Variants in DAPK1 observed in about 807,000 individuals in gnomAD.
The protein encoded by DAPK1 is death-associated protein kinase 1.
In DAPK1, 56 loss-of-function variants were observed where a neutral mutation model predicts 144.9. The observed-to-expected ratio is 0.39, with a 90% CI of 0.31 to 0.48. DAPK1 has a LOEUF of 0.48. Among genes scored for constraint, DAPK1 ranks in the 20% least tolerant of loss-of-function variants. The pLI is 0.95. For missense variants in DAPK1, 1,454 were observed against 1,875.4 expected (o/e 0.78, Z 4.15); for synonymous variants, 690 against 749.0 (o/e 0.92, Z 1.29).
Position 87,638,100 on chromosome 9 carries a change from G to C in DAPK1, c.423+19G>C. On this transcript the variant is annotated intron_variant, in intron 4 of 25. Transcript: ENST00000408954. ...TCTTAAGGTACGTTTCAAAGTGTAA[G>C]CCAGATAGAAGCTTGTGCAGATCAC... 6.2e-7 allele frequency: 1 copy of C among 1,603,908 alleles called. No homozygotes were observed.
intron 9 of DAPK1, 152 bp from the exon 10 acceptor site, chr9:87,641,817 C>T: frequency 3.3e-6 from 2 of 612,664 alleles, no homozygotes; most frequent in Admixed American, 5.8e-5. Context: ...AGACTAGGTG[C>T]CTAGGTATTC....
intron 23 of DAPK1, among the ~76,000 whole-genome samples, chr9:87,699,149 G>A (rs553322241): frequency 6.6e-6 from 1 of 152,302 alleles, no homozygotes; most frequent in East Asian, 1.9e-4. Flanking sequence ...CAGATTTCTG[G>A]ATTAGGGATG....
In DAPK1 at chr9:87,707,645, C is replaced by T; in HGVS notation, c.*281C>T. ...CTCCTCTCAGTGTTTTGGACTCCAT[C>T]TCTCATCCTCCAGTACCTTGCTTCT... is the stretch of plus-strand genomic sequence containing the variant. On this transcript the variant is annotated 3_prime_UTR_variant, in exon 26 of 26. Transcript: ENST00000408954. The surrounding 1 kb of genome is among the most constrained non-coding windows in gnomAD (Gnocchi z 4.0). 1.9e-6 allele frequency: 1 copy of T among 515,570 alleles called. No individual in the cohort carries two copies. The highest frequency in any genetic ancestry group is 3.5e-6 in the Non-Finnish European group (1 of 286,306). The allele number at this position is 515,570 out of a possible 1,614,324, so 31.9% of individuals were successfully genotyped here. A position where few individuals can be genotyped will look rare whatever the true frequency, so the allele number is the denominator to read the frequency against.
chr9:87,698,535 G>A (rs1409956319), intron 22 of DAPK1, 121 bp from the exon 23 acceptor site: 14 of 690,734 alleles, frequency 2.0e-5, no homozygotes, highest in Non-Finnish European at 3.4e-5. Context: ...TCTGTGGCAT[G>A]TTGCACTTGT....
chr9:87,668,605 G>A lies in DAPK1; in HGVS notation c.1932G>A (p.Lys644=), dbSNP rs1397051177. The A allele has an allele frequency of 6.3e-6, 9 of 1,419,410 alleles. No individual in the cohort carries two copies. Among genetic ancestry groups the A allele is most frequent in the Non-Finnish European group, 8.0e-6 (8 of 1,002,122 alleles). 87.9% of individuals were successfully genotyped at this position (1,419,410 alleles called of 1,614,324 possible). ...ASVEALTTDG[K]TAEDLARSEQ... ...GCATTTTTCTCCAACAGGACGGAAA[G>A]ACGGCAGAAGATCTTGCTAGATCGG... Residue 644 remains lysine, a synonymous_variant, in exon 19 of 26, where the codon AAG becomes AAA. Coordinates refer to ENST00000408954, the MANE Select transcript of DAPK1 (RefSeq NM_004938.4).
intron 18 of DAPK1, among the ~76,000 whole-genome samples, chr9:87,666,197 C>A (rs2119261369): frequency 6.6e-6 from 1 of 152,258 alleles, no homozygotes; most frequent in East Asian, 1.9e-4. Context: ...TTTCTCTCAC[C>A]TGCTCAAGAA....
intron 2 of DAPK1, among the ~76,000 whole-genome samples, chr9:87,527,898 C>G (rs1039876345): frequency 6.6e-6 from 1 of 152,222 alleles, no homozygotes; most frequent in Non-Finnish European, 1.5e-5. Flanking sequence ...TGTCTGCGAA[C>G]AATTGTTTGC....
In DAPK1 at chr9:87,642,185, C is replaced by T. The variant is rs528655981; in HGVS notation, c.918+127C>T. Reference sequence around the variant, plus strand: ...CATCCTTTCCTCTTTTTAATCCACCCTGTAGTGTTCTGCACCATTACTCTA... The same window carrying T: ...CATCCTTTCCTCTTTTTAATCCACCTTGTAGTGTTCTGCACCATTACTCTA... On this transcript the variant is annotated intron_variant, in intron 10 of 25. Coordinates refer to ENST00000408954, the MANE Select transcript of DAPK1 (RefSeq NM_004938.4). 2.0e-3 allele frequency: 1,354 copies of T among 675,388 alleles called. 4 individuals are homozygous for T. Among genetic ancestry groups the T allele is most frequent in the Non-Finnish European group, 1.8e-3 (720 of 397,204 alleles). 41.8% of individuals were successfully genotyped at this position (675,388 alleles called of 1,614,324 possible).
chr9:87,649,813 C>T, intron 15 of DAPK1, 108 bp from the exon 16 acceptor site: 1 of 980,110 alleles, frequency 1.0e-6, no homozygotes, highest in Non-Finnish European at 1.6e-6. Context: ...TTTCCCTCTG[C>T]TGCCTTGGTT....
chr9:87,611,585 A>C (rs1828931835), intron 3 of DAPK1, among the ~76,000 whole-genome samples: 1 of 152,090 alleles, frequency 6.6e-6, no homozygotes, highest in Non-Finnish European at 1.5e-5. Flanking sequence ...CTGCCTCCTG[A>C]GTAGCTGGGA....
intron 2 of DAPK1, among the ~76,000 whole-genome samples, chr9:87,597,306 G>A (rs1308847337): frequency 1.3e-5 from 2 of 152,204 alleles, no homozygotes; most frequent in South Asian, 4.1e-4. Flanking sequence ...CCAGCTGAAA[G>A]CTTCAGCATC....
At chr9:87,590,370 A>AG (rs2118879216) in intron 2 of DAPK1, among the ~76,000 whole-genome samples, 1 of 112,702 alleles carries the variant, frequency 8.9e-6, no homozygotes, top group African/African-American at 3.6e-5. Context: ...CATTGGCCTC[A>AG]AAAAAAAAAA....
intron 21 of DAPK1, among the ~76,000 whole-genome samples, chr9:87,694,127 G>A (rs150694502): frequency 3.3e-3 from 497 of 152,308 alleles, no homozygotes; most frequent in Non-Finnish European, 5.3e-3. Context: ...TGGGCAGCAG[G>A]CGTGGTGTGA....
chr9:87,672,143 G>A lies in DAPK1; in HGVS notation c.2001+3469G>A, dbSNP rs36217077. Among the ~76,000 whole-genome samples, 212 of 152,292 alleles carry A rather than the reference G, an allele frequency of 1.4e-3. 1 individual carries two copies. The highest frequency in any genetic ancestry group is 4.6e-3 in the African/African-American group (191 of 41,558). On this transcript the variant is annotated intron_variant, in intron 19 of 25. Coordinates refer to ENST00000408954, the MANE Select transcript of DAPK1 (RefSeq NM_004938.4). ...ACTGCCTGCACACAGTAAGCACCAC[G>A]TGTTTCCTGTTATTGTTGGAACCCC...
chr9:87,684,515 G>A (rs1299676296), intron 20 of DAPK1, among the ~76,000 whole-genome samples: 1 of 152,234 alleles, frequency 6.6e-6, no homozygotes, highest in African/African-American at 2.4e-5. Flanking sequence ...TGAGAACGCT[G>A]GAGGCCAAGG....
At chr9:87,676,979 C>A (rs528397605) in intron 19 of DAPK1, among the ~76,000 whole-genome samples, 2 of 152,208 alleles carry the variant, frequency 1.3e-5, no homozygotes, top group Non-Finnish European at 2.9e-5. Context: ...GTGCCTTGGC[C>A]TCTCCAAGCC....
chr9:87,620,404 C>T (rs896382033), intron 3 of DAPK1, among the ~76,000 whole-genome samples: 2 of 152,188 alleles, frequency 1.3e-5, no homozygotes, highest in Non-Finnish European at 2.9e-5. Flanking sequence ...GTTAAAATTG[C>T]GGCTCTCCAT....
At chr9:87,545,651 A>G (rs900239414) in intron 2 of DAPK1, among the ~76,000 whole-genome samples, 3 of 152,100 alleles carry the variant, frequency 2.0e-5, no homozygotes, top group African/African-American at 4.8e-5. Context: ...GGTTCCAGCG[A>G]TTCTCCTGTC....
At chr9:87,664,365 C>T (rs1459386393) in intron 18 of DAPK1, among the ~76,000 whole-genome samples, 1 of 152,234 alleles carries the variant, frequency 6.6e-6, no homozygotes, top group Non-Finnish European at 1.5e-5. Context: ...ACACATCTCT[C>T]TGCCCACTTC....
Sources: gnomAD v4.1 joint callset for allele counts (sites outside exome capture counted in the v4.1 genomes callset) on GRCh38, gnomAD v4.1.1 for gene constraint, Gnocchi (gnomAD v3.1) non-coding constraint, MANE v1.5 for transcripts, NCBI Gene and HGNC (gene_info 2026-07-23, HGNC 2026-07-21) for gene names.